The following CCDC192 variants were observed in gnomAD, a reference collection of about 807,000 sequenced individuals.
CCDC192 encodes the protein coiled-coil domain containing 192.
chr5:127,854,468 T>C (rs1750967671), intron 5 of CCDC192, among the ~76,000 whole-genome samples: 1 of 152,184 alleles, frequency 6.6e-6, no homozygotes, highest in Non-Finnish European at 1.5e-5. Flanking sequence ...TTATTAATAG[T>C]TAATCTCTCA....
chr5:127,907,622 C>T (rs1018988035), intron 6 of CCDC192, among the ~76,000 whole-genome samples: 1 of 152,240 alleles, frequency 6.6e-6, no homozygotes, highest in East Asian at 1.9e-4. Context: ...TCTTAATCAG[C>T]TATTTCAAGT....
At chr5:127,913,848 A>G (rs999953190) in intron 6 of CCDC192, among the ~76,000 whole-genome samples, 4 of 152,238 alleles carry the variant, frequency 2.6e-5, no homozygotes, top group Non-Finnish European at 5.9e-5. Context: ...GCAAGACCCA[A>G]ACATCTTGAT....
chr5:127,877,109 T>A (rs184299470), intron 6 of CCDC192, among the ~76,000 whole-genome samples: 79 of 152,322 alleles, frequency 5.2e-4, no homozygotes, highest in Non-Finnish European at 9.0e-4. Context: ...CGAGAAGCTT[T>A]CAACTTTTCA....
chr5:127,903,008 C>T (rs4836339), intron 6 of CCDC192, among the ~76,000 whole-genome samples: 32,186 of 151,968 alleles, frequency 0.21, 3,555 homozygotes, highest in East Asian at 0.32. Context: ...ATCTCAGGCA[C>T]GGCAAGTTCC....
chr5:127,782,020 G>A (rs531981878), intron 3 of CCDC192, among the ~76,000 whole-genome samples: 9 of 152,012 alleles, frequency 5.9e-5, no homozygotes, highest in Non-Finnish European at 1.2e-4. Context: ...TGCTGATTTT[G>A]CTGAGAGTTT....
At chr5:127,843,029 GTTT>G (rs11428874) in intron 5 of CCDC192, among the ~76,000 whole-genome samples, 49 of 91,752 alleles carry the variant, frequency 5.3e-4, no homozygotes, top group African/African-American at 1.9e-3. Context: ...TTTTAGTCAA[GTTT>G]TTTTTTTTTT....
chr5:127,782,399 T>C lies in CCDC192; in HGVS notation c.223-14704T>C, dbSNP rs200642119. Among the ~76,000 whole-genome samples the C allele has an allele frequency of 4.1e-4, 63 of 152,254 alleles. No homozygotes were observed. In the East Asian group the frequency reaches 0.011, roughly 27 times the overall value. On this transcript the variant is annotated intron_variant, in intron 3 of 6. Coordinates refer to ENST00000514853, the MANE Select transcript of CCDC192 (RefSeq NM_001317938.2). ...ATAGCGTCAATAGGATTTGTACCAA[T>C]TCTTTGAGTGTCTGGTAAAATTCTG...
chr5:127,879,198 T>A (rs1240192263), intron 6 of CCDC192, among the ~76,000 whole-genome samples: 1 of 151,978 alleles, frequency 6.6e-6, no homozygotes, highest in Non-Finnish European at 1.5e-5. Context: ...ACTACAAGGC[T>A]ACAGTAACCA....
At chr5:127,788,083 G>GAAAAA (rs60238996) in intron 3 of CCDC192, among the ~76,000 whole-genome samples, 1 of 94,622 alleles carries the variant, frequency 1.1e-5, no homozygotes, top group Non-Finnish European at 2.1e-5. Flanking sequence ...CTTCACCTCA[G>GAAAAA]AAAAAAAAAA....
chr5:127,894,740 C>A (rs151851), intron 6 of CCDC192, among the ~76,000 whole-genome samples: 16 of 151,950 alleles, frequency 1.1e-4, no homozygotes, highest in Non-Finnish European at 2.1e-4. Context: ...AAATAGCTGA[C>A]AAAAGTAAGA....
intron 2 of CCDC192, among the ~76,000 whole-genome samples, chr5:127,736,729 A>G (rs928667603): frequency 2.0e-5 from 3 of 151,070 alleles, no homozygotes; most frequent in African/African-American, 7.4e-5. Flanking sequence ...AGGTGTTTGT[A>G]GTATTCTCTG....
chr5:127,719,776 A>T (rs1415068115), intron 2 of CCDC192, among the ~76,000 whole-genome samples: 1 of 143,276 alleles, frequency 7.0e-6, no homozygotes, highest in Non-Finnish European at 1.5e-5. Flanking sequence ...ACTTATAATC[A>T]TGGTGGAAGT....
intron 5 of CCDC192, among the ~76,000 whole-genome samples, chr5:127,806,656 C>T (rs1433283031): frequency 1.3e-5 from 2 of 152,036 alleles, no homozygotes; most frequent in Non-Finnish European, 2.9e-5. Context: ...TATTTACTTG[C>T]TGAAAAATCG....
chr5:127,909,079 GA>G (rs1753275220), intron 6 of CCDC192, among the ~76,000 whole-genome samples: 1 of 152,194 alleles, frequency 6.6e-6, no homozygotes, highest in Non-Finnish European at 1.5e-5. Flanking sequence ...GTGATATAAA[GA>G]AAATGCTTAC....
chr5:127,758,972 G>A (rs1580609523), intron 3 of CCDC192, among the ~76,000 whole-genome samples: 1 of 152,302 alleles, frequency 6.6e-6, no homozygotes, highest in East Asian at 1.9e-4. Context: ...TGCCAACATA[G>A]AGCTTATGAG....
intron 2 of CCDC192, among the ~76,000 whole-genome samples, chr5:127,708,221 T>C (rs1751081326): frequency 6.6e-6 from 1 of 152,170 alleles, no homozygotes; most frequent in Admixed American, 6.5e-5. Flanking sequence ...TTTTATTCTC[T>C]TTCAAGTCGC....
rs570954897 is a variant in CCDC192 at position 127,818,777 on chromosome 5, G to T, written c.411+20615G>T. ...AGGAAGTAGCCTGTACAAAGGCAAGGAGAGTTGAAAGAGCCTGGATGTTAG... is the reference window on the plus strand; with the variant it reads ...AGGAAGTAGCCTGTACAAAGGCAAGTAGAGTTGAAAGAGCCTGGATGTTAG... On this transcript the variant is annotated intron_variant, in intron 5 of 6. Transcript: ENST00000514853. 3.3e-5 allele frequency among the ~76,000 whole-genome samples: 5 copies of T among 152,286 alleles called. No individual in the cohort carries two copies. The South Asian group carries it at 8.3e-4, about 25-fold the overall frequency.
intron 5 of CCDC192, among the ~76,000 whole-genome samples, chr5:127,860,673 A>T (rs1429523754): frequency 6.6e-6 from 1 of 152,204 alleles, no homozygotes; most frequent in Non-Finnish European, 1.5e-5. Context: ...CCTTAAAAAT[A>T]TGTACAGTGT....
rs996453393 is a variant in CCDC192, at chr5:127,769,792, G to C, written c.222+15417G>C. The stretch of plus-strand genomic sequence containing the variant: ...TAAAATGAGGATCAGAGGAAACCTT[G>C]ACAAGTTCCATTTCAATAACGTAGT... On this transcript the variant is annotated intron_variant, in intron 3 of 6. Coordinates refer to ENST00000514853, the MANE Select transcript of CCDC192 (RefSeq NM_001317938.2). Among the ~76,000 whole-genome samples, 4 of 152,308 alleles carry C rather than the reference G, an allele frequency of 2.6e-5. No homozygotes were observed. In the South Asian group the frequency reaches 8.3e-4, roughly 32 times the overall value.
Sources: gnomAD v4.1 joint callset for allele counts (sites outside exome capture counted in the v4.1 genomes callset) on GRCh38, gnomAD v4.1.1 for gene constraint, MANE v1.5 for transcripts, NCBI Gene and HGNC (gene_info 2026-07-23, HGNC 2026-07-21) for gene names.